The following CCDC62 variants were observed in gnomAD, a reference collection of about 807,000 sequenced individuals.
The protein encoded by CCDC62 is coiled-coil domain containing 62, also known as coiled-coil domain-containing protein 62.
Under a neutral mutation model 80.8 loss-of-function variants are expected in CCDC62, and 72 were observed. The observed-to-expected ratio is 0.89, with a 90% CI of 0.74 to 1.08. The LOEUF is 1.08. Among genes scored for constraint, CCDC62 ranks in the 50% least tolerant of loss-of-function variants. The pLI, the probability that CCDC62 is intolerant of heterozygous loss-of-function variation, is 0.00. For missense variants in CCDC62, 704 were observed against 809.4 expected (o/e 0.87, Z 1.58); for synonymous variants, 286 against 296.5 (o/e 0.96, Z 0.36).
chr12:122,787,450 CA>C (rs11291981), intron 4 of CCDC62, among the ~76,000 whole-genome samples: 119,538 of 132,480 alleles, frequency 0.9, 53,857 homozygotes, highest in East Asian at 0.97. Context: ...GACTCTGTCT[CA>C]AAAAAAAAAA....
At chr12:122,808,235 T>C (rs1443050462) in intron 10 of CCDC62, among the ~76,000 whole-genome samples, 2 of 152,072 alleles carry the variant, frequency 1.3e-5, no homozygotes, top group Non-Finnish European at 2.9e-5. Flanking sequence ...AGGCAGGGGT[T>C]GCAGTGAACC....
At chr12:122,824,961 C>T (rs566474105) in intron 12 of CCDC62, among the ~76,000 whole-genome samples, 4 of 151,760 alleles carry the variant, frequency 2.6e-5, no homozygotes, top group African/African-American at 7.2e-5. Context: ...TGGTGCATGC[C>T]TGTAATCCCA....
At chr12:122,776,379 A>G (rs1436258276) in intron 1 of CCDC62, among the ~76,000 whole-genome samples, 2 of 152,250 alleles carry the variant, frequency 1.3e-5, no homozygotes, top group African/African-American at 2.4e-5. Context: ...ATTGTTAGAT[A>G]TAAAAATGGC....
chr12:122,777,423 A>G, intron 1 of CCDC62, 68 bp from the exon 2 acceptor site: 1 of 1,388,410 alleles, frequency 7.2e-7, no homozygotes, highest in Non-Finnish European at 9.8e-7. Flanking sequence ...CTTATTTGGA[A>G]AATGGACTTT....
At chr12:122,792,218 TTTTGAGACAGGGTC>T in intron 6 of CCDC62, 97 bp downstream of exon 6, 3 of 621,918 alleles carry the variant, frequency 4.8e-6, no homozygotes, top group East Asian at 2.8e-5. Context: ...TTTTTTTTTT[TTTTGAGACAGGGTC>T]TTTTTTGAGA....
chr12:122,777,266 G>T, intron 1 of CCDC62: 1 of 439,024 alleles, frequency 2.3e-6, no homozygotes. Flanking sequence ...TTTTAGGCAT[G>T]GTACGTATGG....
At chr12:122,799,277 A>G (rs1304462638) in intron 8 of CCDC62, among the ~76,000 whole-genome samples, 6 of 152,136 alleles carry the variant, frequency 3.9e-5, no homozygotes, top group Non-Finnish European at 5.9e-5. Context: ...AATAGACACT[A>G]CAGAGATGAA....
chr12:122,813,841 G>C (rs1164156742), intron 11 of CCDC62, among the ~76,000 whole-genome samples: 1 of 151,942 alleles, frequency 6.6e-6, no homozygotes, highest in Non-Finnish European at 1.5e-5. Context: ...ATTTTTAGTA[G>C]AGACAGGGTT....
intron 9 of CCDC62, among the ~76,000 whole-genome samples, chr12:122,805,187 CTTTTTTTTT>C (rs35231650): frequency 6.2e-5 from 4 of 64,482 alleles, no homozygotes; most frequent in Non-Finnish European, 1.1e-4. Flanking sequence ...AACTGGCCGG[CTTTTTTTTT>C]TTTTTTTTTT....
In CCDC62 at chr12:122,797,346, C is replaced by T. The variant is rs750418742; in HGVS notation, c.812C>T (p.Ala271Val). The change falls in exon 7 of 13, where the codon GCG becomes GTG. Residue 271 changes from alanine (A) to valine (V), a missense_variant. Ala to Val is a moderately conservative substitution (Grantham distance 64). Transcript: ENST00000253079. ...EKRKDELLNI[A>V]KSKQERTNSE... ...AGGAAAGATGAATTGCTTAATATTG[C>T]GAAGTCAAAGCAAGAACGCACAAAT... 2.5e-6 allele frequency: 4 copies of T among 1,596,954 alleles called. No individual in the cohort carries two copies. Among genetic ancestry groups the T allele is most frequent in the Non-Finnish European group, 2.6e-6 (3 of 1,165,102 alleles).
rs911710033 is a variant in CCDC62, at chr12:122,806,386, T to G, written c.1851+91T>G. On this transcript the variant is annotated intron_variant, in intron 10 of 12. Transcript: ENST00000253079. The stretch of plus-strand genomic sequence containing the variant: ...CTCTAGCAACCACTGTTAGCTTGCT[T>G]ATTTTGGCTATTCCTCCGTTTTTTT... The G allele has an allele frequency of 1.3e-5, 13 of 1,026,036 alleles. No homozygotes were observed. In the African/African-American group the frequency reaches 1.7e-4, roughly 13 times the overall value. The allele number at this position is 1,026,036 out of a possible 1,614,324, so 63.6% of individuals were successfully genotyped here.
rs527953661 is a variant in CCDC62, at chr12:122,812,671, G to A, written c.1852-599G>A. Among the ~76,000 whole-genome samples, 15 of 22,780 alleles carry A rather than the reference G, an allele frequency of 6.6e-4. 2 individuals carry two copies. The highest frequency in any genetic ancestry group is 1.5e-3 in the Non-Finnish European group (11 of 7,300). The allele number at this position is 22,780 out of a possible 152,430, so 14.9% of individuals were successfully genotyped here. On this transcript the variant is annotated intron_variant, in intron 10 of 12. Coordinates refer to ENST00000253079, the MANE Select transcript of CCDC62 (RefSeq NM_201435.5). ...AGGTGGGTGGAGCTTGAAGTGAGCC[G>A]AGATGATGCCACTGCACTCCAGCCT...
At chr12:122,793,545 A>AAT (rs2135548081) in intron 6 of CCDC62, among the ~76,000 whole-genome samples, 1 of 150,098 alleles carries the variant, frequency 6.7e-6, no homozygotes, top group East Asian at 2.0e-4. Context: ...ATGGGAAAAA[A>AAT]TTGAGGCTCA....
At chr12:122,800,736 A>AT (rs36137060) in intron 8 of CCDC62, among the ~76,000 whole-genome samples, 1 of 150,222 alleles carries the variant, frequency 6.7e-6, no homozygotes, top group African/African-American at 2.4e-5. Context: ...CTCAAAAAAA[A>AT]TTTTTTTTAA....
intron 1 of CCDC62, chr12:122,777,202 A>C (rs1879517314): frequency 1.1e-5 from 3 of 271,598 alleles, no homozygotes; most frequent in Admixed American, 5.0e-5. Context: ...GGGGAGAAAA[A>C]GTGCAGAAAT....
intron 6 of CCDC62, among the ~76,000 whole-genome samples, chr12:122,792,432 G>A (rs550329195): frequency 3.7e-4 from 56 of 151,906 alleles, no homozygotes; most frequent in African/African-American, 1.3e-3. Flanking sequence ...CATTGGTCAG[G>A]CTGGTCTTCT....
intron 2 of CCDC62, among the ~76,000 whole-genome samples, chr12:122,778,262 G>A (rs1318429511): frequency 1.3e-5 from 2 of 151,448 alleles, no homozygotes; most frequent in Non-Finnish European, 1.5e-5. Flanking sequence ...GCAGAGGCAC[G>A]AGAATCGCTT....
chr12:122,809,002 T>G (rs1035809704), intron 10 of CCDC62, among the ~76,000 whole-genome samples: 2 of 152,204 alleles, frequency 1.3e-5, no homozygotes, highest in African/African-American at 4.8e-5. Context: ...ATTCCCCTAA[T>G]GACTAACAAT....
intron 11 of CCDC62, among the ~76,000 whole-genome samples, chr12:122,822,987 G>T (rs771897767): frequency 2.0e-5 from 3 of 151,684 alleles, no homozygotes; most frequent in African/African-American, 7.3e-5. Flanking sequence ...TTGAGACAGG[G>T]TCTCACTCTG....
Sources: gnomAD v4.1 joint callset for allele counts (sites outside exome capture counted in the v4.1 genomes callset) on GRCh38, gnomAD v4.1.1 for gene constraint, MANE v1.5 for transcripts, NCBI Gene and HGNC (gene_info 2026-07-23, HGNC 2026-07-21) for gene names.